PRCD: variants seen among roughly 807,000 people sequenced by gnomAD.
The protein encoded by PRCD is photoreceptor disc component, also known as photoreceptor disk component PRCD.
In PRCD, 12 loss-of-function variants were observed where a neutral mutation model predicts 10.1. The ratio of observed to expected loss-of-function variants is 1.18; its 90% confidence interval spans 0.76 to 1.92. The LOEUF (loss-of-function observed/expected upper bound fraction) is 1.92. Ranked by LOEUF, PRCD falls within the 40% of genes most tolerant of loss-of-function variation. The pLI is 0.00. For missense variants in PRCD, 61 were observed against 72.2 expected (o/e 0.84, Z 0.56); for synonymous variants, 31 against 26.2 (o/e 1.18, Z -0.56).
intron 4 of PRCD, 58 bp downstream of exon 4, chr17:76,543,179 G>A (rs981944842): frequency 6.6e-6 from 3 of 454,410 alleles, no homozygotes; most frequent in East Asian, 7.0e-5. Context: ...CAGGCCCTGG[G>A]TGTGGGCTCC....
rs748501602 is a variant in PRCD at position 76,531,495 on chromosome 17, C to T, written n.45+3662C>T. The T allele has an allele frequency of 5.0e-6, 8 of 1,613,172 alleles. No homozygotes were observed. The highest frequency in any genetic ancestry group is 1.1e-5 in the South Asian group (1 of 91,080). On this transcript the variant is annotated intron_variant and non_coding_transcript_variant, in intron 1 of 4. Transcript: ENST00000397633. This position sits in a 1 kb window ranked among gnomAD's most constrained non-coding sequence, Gnocchi z 7.4. The stretch of plus-strand genomic sequence containing the variant: ...ACCGGTTCCACCTTGTGCTTGAGGG[C>T]GTGGGCTTTCCCCACAAGGGCGAGC...
upstream of PRCD, among the ~76,000 whole-genome samples, chr17:76,536,619 C>T (rs1460026556): frequency 3.3e-5 from 5 of 152,230 alleles, no homozygotes; most frequent in East Asian, 1.9e-4. Flanking sequence ...GTGTGAAGAA[C>T]GGGGCGCTCT....
intron 2 of PRCD, 43 bp from the exon 3 acceptor site, chr17:76,542,510 G>A (rs2075003661): frequency 6.2e-7 from 1 of 1,613,506 alleles, no homozygotes; most frequent in Non-Finnish European, 8.5e-7. Context: ...ACATGGGAAG[G>A]TCGTGCCCTT....
chr17:76,527,861 G>C (rs1370197718), intron 1 of PRCD: 1 of 449,572 alleles, frequency 2.2e-6, no homozygotes, highest in Non-Finnish European at 4.5e-6. Flanking sequence ...AGGGAGTAGG[G>C]GGAGCCCACT....
chr17:76,552,355 T>C (rs12940998), intron 1 of PRCD: 147,753 of 151,590 alleles, frequency 0.97, 72,128 homozygotes, highest in Middle Eastern at 1. Flanking sequence ...CCACCACGCC[T>C]GGCTAATTTT....
chr17:76,532,552 G>A (rs1392488749), intron 1 of PRCD, among the ~76,000 whole-genome samples: 1 of 129,114 alleles, frequency 7.7e-6, no homozygotes, highest in East Asian at 2.4e-4. Context: ...TTTTTTTTGA[G>A]ATGGAGTCTC....
chr17:76,530,001 G>T lies in PRCD; in HGVS notation n.45+2168G>T. On this transcript the variant is annotated intron_variant and non_coding_transcript_variant, in intron 1 of 4. Coordinates refer to the PRCD transcript ENST00000397633. The surrounding 1 kb of genome is among the most constrained non-coding windows in gnomAD (Gnocchi z 6.1). ...CTGGCGTCCCCAGCTGCCCTCAGGG[G>T]ACCTCCTCCAGGAGCTGTGCCTGTG... 2 of 985,388 alleles carry T rather than the reference G, an allele frequency of 2.0e-6. No individual in the cohort carries two copies. Among genetic ancestry groups the T allele is most frequent in the Non-Finnish European group, 2.4e-6 (2 of 829,912 alleles). The allele number at this position is 985,388 out of a possible 1,614,324, so 61.0% of individuals were successfully genotyped here.
chr17:76,544,252 G>T lies in PRCD; in HGVS notation c.*602G>T. Reference sequence around the variant, plus strand: ...CCCAGCCAGCCCCCCTCCCAGCCCAGCGGCGATGTCTCTGCCTGGCTGGCC... The same window carrying T: ...CCCAGCCAGCCCCCCTCCCAGCCCATCGGCGATGTCTCTGCCTGGCTGGCC... On this transcript the variant is annotated 3_prime_UTR_variant, in exon 5 of 5. Transcript: ENST00000592014. 2.2e-6 allele frequency: 1 copy of T among 454,522 alleles called. No homozygotes were observed. 28.2% of individuals were successfully genotyped at this position (454,522 alleles called of 1,614,324 possible).
At chr17:76,547,841 TCA>T (rs144275867), downstream of PRCD, among the ~76,000 whole-genome samples, 37 of 123,824 alleles carry the variant, frequency 3.0e-4, no homozygotes, top group African/African-American at 7.3e-4. Context: ...CAACACACAT[TCA>T]CACACACACA....
downstream of PRCD, chr17:76,546,045 C>T (rs1197269808): frequency 6.5e-6 from 1 of 152,884 alleles, no homozygotes; most frequent in African/African-American, 2.4e-5. This position sits in a 1 kb window ranked among gnomAD's most constrained non-coding sequence, Gnocchi z 4.5. Flanking sequence ...GTGGTGACCT[C>T]GACCTGGACA....
downstream of PRCD, among the ~76,000 whole-genome samples, chr17:76,548,342 T>C (rs1331079806): frequency 2.0e-5 from 3 of 152,192 alleles, no homozygotes; most frequent in Non-Finnish European, 2.9e-5. Context: ...GCAGAAGCCA[T>C]TTGAACTAAG....
upstream of PRCD, among the ~76,000 whole-genome samples, chr17:76,535,089 C>T (rs962942011): frequency 2.6e-5 from 4 of 152,192 alleles, no homozygotes; most frequent in Non-Finnish European, 2.9e-5. Flanking sequence ...GGTGGGTGTT[C>T]CCTCTTGGTC....
At chr17:76,538,674 G>A (rs966920020), upstream of PRCD, among the ~76,000 whole-genome samples, 1 of 152,260 alleles carries the variant, frequency 6.6e-6, no homozygotes, top group Non-Finnish European at 1.5e-5. Context: ...GGGCCTGGGG[G>A]AGGCAAATCC....
In PRCD at chr17:76,540,547, G is replaced by C. The variant is rs568895462; in HGVS notation, c.117G>C (p.Leu39Phe). Residue 39 changes from leucine to phenylalanine, a missense_variant, in exon 2 of 5, where the codon TTG (leucine) becomes TTC (phenylalanine). By Grantham distance (22) the Leu-to-Phe change is conservative. Coordinates refer to ENST00000592014, the MANE Select transcript of PRCD (RefSeq NM_001077620.3). The surrounding 1 kb of genome is among the most constrained non-coding windows in gnomAD (Gnocchi z 5.0). Reference protein sequence around the residue: ...DVDGAARGSSLDADPQSSGRE... With the variant: ...DVDGAARGSSFDADPQSSGRE... ...ATGGGGCAGCTAGGGGCAGCAGCTT[G>C]GATGCGGACCCTCAGTCCTCAGGCA... 6.2e-6 allele frequency: 10 copies of C among 1,613,586 alleles called. No individual in the cohort carries two copies. In the East Asian group the frequency reaches 8.9e-5, roughly 14 times the overall value.
At chr17:76,547,643 T>TCACA (rs56118010), downstream of PRCD, among the ~76,000 whole-genome samples, 5 of 149,864 alleles carry the variant, frequency 3.3e-5, no homozygotes, top group South Asian at 4.2e-4. Context: ...ACACACACAT[T>TCACA]CACACACACA....
chr17:76,539,895 G>A (rs1017190552), upstream of PRCD: 87 of 586,328 alleles, frequency 1.5e-4, no homozygotes, highest in Middle Eastern at 8.9e-4. Context: ...CTCCGAATAC[G>A]TGCTCAATGC....
In PRCD at chr17:76,540,258, G is replaced by GGC. The variant is rs2074973673; in HGVS notation, c.74+44_74+45insCG. 9.1e-7 allele frequency: 1 copy of GGC among 1,100,862 alleles called. No homozygotes were observed. The allele number at this position is 1,100,862 out of a possible 1,614,324, so 68.2% of individuals were successfully genotyped here. ...CTATGGCTGGCGGTTGGTCGGGGGG[G>GGC]GGGGGCATGGGGCTGGGCTGCCACC... On this transcript the variant is annotated intron_variant, in intron 1 of 4. Transcript: ENST00000592014. This position sits in a 1 kb window ranked among gnomAD's most constrained non-coding sequence, Gnocchi z 5.0.
upstream of PRCD, chr17:76,538,416 C>G (rs531908667): frequency 2.3e-6 from 1 of 439,168 alleles, no homozygotes; most frequent in African/African-American, 2.1e-5. Flanking sequence ...CCTGCGCCCC[C>G]TCTCCTTCCG....
intron 4 of PRCD, 50 bp downstream of exon 4, chr17:76,543,171 G>A (rs749272436): frequency 4.4e-6 from 2 of 458,720 alleles, no homozygotes; most frequent in South Asian, 3.2e-5. Flanking sequence ...CCTTCCCCCA[G>A]GCCCTGGGTG....
Sources: allele counts gnomAD v4.1 joint callset (sites outside exome capture counted in the v4.1 genomes callset), GRCh38; gene constraint gnomAD v4.1.1; non-coding constraint Gnocchi (gnomAD v3.1); transcripts MANE v1.5; gene names NCBI Gene and HGNC (gene_info 2026-07-23, HGNC 2026-07-21).